Variants in TNRC6A observed in about 807,000 individuals in gnomAD.
The protein encoded by TNRC6A is trinucleotide repeat containing adaptor 6A.
In TNRC6A, 44 loss-of-function variants were observed where a neutral mutation model predicts 221.2. The ratio of observed to expected loss-of-function variants is 0.20; its 90% CI spans 0.16 to 0.26. TNRC6A has a LOEUF of 0.26. Ranked by LOEUF, TNRC6A falls within the 10% of genes least tolerant of loss-of-function variation. TNRC6A has a pLI of 1.00. For synonymous variants in TNRC6A, 847 were observed against 838.5 expected, an observed-to-expected ratio of 1.01 and a Z score of -0.18; for missense variants, 2,199 against 2,404.4, an observed-to-expected ratio of 0.91 and a Z score of 1.79.
Position 24,789,689 on chromosome 16 carries a change from T to G in TNRC6A, c.1047T>G (p.Ser349Arg). Reference protein sequence around the residue: ...NNRMNAWGTVSSSSNGGLNPS... With the variant: ...NNRMNAWGTVRSSSNGGLNPS... ...GAATGAATGCTTGGGGCACTGTAAG[T>G]TCTTCATCAAATGGAGGGTTAAATC... The change falls in exon 6 of 25, where the codon AGT becomes AGG. Residue 349 changes from serine to arginine, a missense_variant. Around this residue, in one of 8 missense-constraint regions of TNRC6A, gnomAD observed 1,405 missense variants for 1,400.2 expected, o/e 1.00. Coordinates refer to ENST00000395799, the MANE Select transcript of TNRC6A (RefSeq NM_014494.4). 6.2e-7 allele frequency: 1 copy of G among 1,614,194 alleles called. No homozygotes were observed. Among genetic ancestry groups the G allele is most frequent in the Non-Finnish European group, 8.5e-7 (1 of 1,180,052 alleles).
intron 2 of TNRC6A, among the ~76,000 whole-genome samples, chr16:24,690,526 T>C (rs765627350): frequency 5.3e-5 from 8 of 152,136 alleles, no homozygotes; most frequent in East Asian, 1.9e-4. Context: ...GGGTGCCTAC[T>C]ACATGAAAAC....
intron 11 of TNRC6A, among the ~76,000 whole-genome samples, chr16:24,798,859 G>T (rs187340041): frequency 2.3e-4 from 35 of 152,330 alleles, no homozygotes; most frequent in Admixed American, 2.3e-3. Context: ...CTTTAACAAG[G>T]AATTGGAGTA....
In TNRC6A at chr16:24,640,526, G is replaced by A. The variant is rs376205136; in HGVS notation, n.277-358G>A. 8.6e-5 allele frequency among the ~76,000 whole-genome samples: 13 copies of A among 151,580 alleles called. 1 individual carries two copies. The highest frequency in any genetic ancestry group is 3.9e-4 in the Admixed American group (6 of 15,196). On this transcript the variant is annotated intron_variant and non_coding_transcript_variant, in intron 1 of 2. Transcript: ENST00000566108. ...GTGGATTGCTTGAGCTCAGGAGTTC[G>A]AGACCAGCCTGGGCAACATGGCAAA...
intron 2 of TNRC6A, among the ~76,000 whole-genome samples, chr16:24,723,313 G>T (rs2056442575): frequency 6.6e-6 from 1 of 152,120 alleles, no homozygotes; most frequent in South Asian, 2.1e-4. Context: ...GTCCATGGTG[G>T]CAGGGCGCAG....
rs1555489486 is a variant in TNRC6A at position 24,687,843 on chromosome 16, G to GGAAGAGGAAGAAGAA, written n.402+46839_402+46840insGGAAGAAGAAGAAGA. Reference sequence around the variant, plus strand: ...AAGAGGAAGAAGAGGAAGAGGAAGAGGAAGAAGAAGAAGAAGAAGAAGAAG... The same window carrying GGAAGAGGAAGAAGAA: ...AAGAGGAAGAAGAGGAAGAGGAAGAGGAAGAGGAAGAAGAAGAAGAAGAAGAAGAAGAAGAAGAAG... On this transcript the variant is annotated intron_variant and non_coding_transcript_variant, in intron 2 of 2. Transcript: ENST00000566108. Among the ~76,000 whole-genome samples, 479 of 101,918 alleles carry GGAAGAGGAAGAAGAA rather than the reference G, an allele frequency of 4.7e-3. 5 individuals carry two copies. Among genetic ancestry groups the GGAAGAGGAAGAAGAA allele is most frequent in the Middle Eastern group, 0.014 (3 of 208 alleles). 66.9% of individuals were successfully genotyped at this position (101,918 alleles called of 152,430 possible). A position where few individuals can be genotyped will look rare whatever the true frequency, so the allele number is the denominator to read the frequency against.
At chr16:24,619,720 C>T (rs1900563461) in intron 1 of TNRC6A, among the ~76,000 whole-genome samples, 1 of 152,086 alleles carries the variant, frequency 6.6e-6, no homozygotes, top group Non-Finnish European at 1.5e-5. Context: ...CAGAGAATGT[C>T]CCTGACACGG....
intron 18 of TNRC6A, among the ~76,000 whole-genome samples, chr16:24,814,806 A>G (rs1163855949): frequency 6.6e-6 from 1 of 152,098 alleles, no homozygotes; most frequent in Non-Finnish European, 1.5e-5. Flanking sequence ...CCATCACCAC[A>G]ATCCATTTTT....
At chr16:24,690,810 CTTT>C (rs11440232) in intron 2 of TNRC6A, among the ~76,000 whole-genome samples, 26 of 142,660 alleles carry the variant, frequency 1.8e-4, no homozygotes, top group Non-Finnish European at 2.6e-4. Flanking sequence ...TCTTTTCTTT[CTTT>C]TTTTTTTTTT....
intron 2 of TNRC6A, among the ~76,000 whole-genome samples, chr16:24,731,995 A>G (rs2056655650): frequency 6.6e-6 from 1 of 152,274 alleles, no homozygotes; most frequent in African/African-American, 2.4e-5. Flanking sequence ...TAGAAAGACT[A>G]TCATAAATGC....
intron 1 of TNRC6A, among the ~76,000 whole-genome samples, chr16:24,640,710 C>CA (rs35368171): frequency 0.022 from 2,120 of 95,742 alleles, 47 homozygotes; most frequent in African/African-American, 0.051. Context: ...GCCTGGGCGA[C>CA]AAAAAAAAAA....
At chr16:24,813,137 A>T (rs1296428847) in intron 18 of TNRC6A, among the ~76,000 whole-genome samples, 1 of 152,028 alleles carries the variant, frequency 6.6e-6, no homozygotes, top group African/African-American at 2.4e-5. Flanking sequence ...TCGGCCTCCC[A>T]AAGTGCTGGG....
At chr16:24,758,266 C>T (rs2057292417) in intron 3 of TNRC6A, 73 bp from the exon 4 acceptor site, 1 of 1,446,724 alleles carries the variant, frequency 6.9e-7, no homozygotes, top group Non-Finnish European at 9.6e-7. Flanking sequence ...AATATATGAA[C>T]ATTTTATCAT....
At chr16:24,727,728 T>C (rs910389425), upstream of TNRC6A, among the ~76,000 whole-genome samples, 1 of 152,254 alleles carries the variant, frequency 6.6e-6, no homozygotes, top group East Asian at 1.9e-4. Context: ...GAAAGCATAT[T>C]GTGCCATTAC....
chr16:24,732,155 A>G (rs564278781), intron 2 of TNRC6A, among the ~76,000 whole-genome samples: 1 of 152,352 alleles, frequency 6.6e-6, no homozygotes, highest in East Asian at 1.9e-4. Flanking sequence ...GGATCCAATG[A>G]GAGGGGAGCA....
Position 24,790,795 on chromosome 16 carries a change from T to G in TNRC6A, c.2153T>G (p.Leu718Arg). Reference protein sequence around the residue: ...VNRTDLDPRVLSNSGWGQTPI... With the variant: ...VNRTDLDPRVRSNSGWGQTPI... ...AGAACTGACTTAGATCCACGTGTCCTGTCCAACTCTGGTTGGGGACAGACT... is the reference window on the plus strand; with the variant it reads ...AGAACTGACTTAGATCCACGTGTCCGGTCCAACTCTGGTTGGGGACAGACT... The change falls in exon 6 of 25, where the codon CTG (leucine) becomes CGG (arginine). Residue 718 changes from leucine to arginine, a missense_variant. This residue lies in a region of TNRC6A where 1,405 missense variants were observed against 1,400.2 expected (regional missense o/e 1.00). Coordinates refer to ENST00000395799, the MANE Select transcript of TNRC6A (RefSeq NM_014494.4). The G allele has an allele frequency of 6.2e-7, 1 of 1,614,162 alleles. No individual in the cohort carries two copies. Among genetic ancestry groups the G allele is most frequent in the Non-Finnish European group, 8.5e-7 (1 of 1,180,040 alleles).
At chr16:24,677,814 T>A (rs890171421) in intron 2 of TNRC6A, among the ~76,000 whole-genome samples, 1 of 152,200 alleles carries the variant, frequency 6.6e-6, no homozygotes, top group Non-Finnish European at 1.5e-5. Flanking sequence ...AATAATCGTC[T>A]ATCACCTCTT....
chr16:24,807,379 A>G (rs917603087), intron 17 of TNRC6A, among the ~76,000 whole-genome samples: 3 of 152,332 alleles, frequency 2.0e-5, no homozygotes, highest in Admixed American at 6.5e-5. Context: ...TTCACTTTTT[A>G]AAGGACTAGC....
At chr16:24,729,065 T>G (rs940970881), upstream of TNRC6A, among the ~76,000 whole-genome samples, 3 of 152,040 alleles carry the variant, frequency 2.0e-5, no homozygotes, top group Non-Finnish European at 4.4e-5. Context: ...ATACCCAGAA[T>G]TATTTCCTGA....
chr16:24,789,200 T>G lies in TNRC6A; in HGVS notation c.590-32T>G, dbSNP rs74015703. ...TATCATTTTGAAATGGCCTAACACT[T>G]TATAAATAGTTGTACTTCTCCTTTA... On this transcript the variant is annotated intron_variant, in intron 5 of 24. Coordinates refer to ENST00000395799, the MANE Select transcript of TNRC6A (RefSeq NM_014494.4). The G allele has an allele frequency of 1.1e-3, 1,731 of 1,531,064 alleles. 18 individuals are homozygous for G. In the African/African-American group the frequency reaches 0.017, roughly 15 times the overall value. The allele number at this position is 1,531,064 out of a possible 1,614,324, so 94.8% of individuals were successfully genotyped here.
Sources: gnomAD v4.1 joint callset for allele counts (sites outside exome capture counted in the v4.1 genomes callset) on GRCh38, gnomAD v4.1.1 for gene constraint, gnomAD v4.1.1 regional missense constraint, MANE v1.5 for transcripts, NCBI Gene and HGNC (gene_info 2026-07-23, HGNC 2026-07-21) for gene names.